DNAJC12: variants seen among roughly 807,000 people sequenced by gnomAD.
DNAJC12 encodes the protein DnaJ heat shock protein family (Hsp40) member C12.
In DNAJC12, 25 loss-of-function variants were observed where a neutral mutation model predicts 28.5. The observed-to-expected ratio is 0.88, with a 90% confidence interval of 0.64 to 1.22. DNAJC12 has a LOEUF of 1.22. Ranked by LOEUF, DNAJC12 falls within the 50% of genes most tolerant of loss-of-function variation. The pLI is 0.00. For missense variants in DNAJC12, 222 were observed against 231.7 expected, an observed-to-expected ratio of 0.96 and a Z score of 0.27; for synonymous variants, 77 against 80.6, an observed-to-expected ratio of 0.95 and a Z score of 0.24.
At chr10:67,811,399 A>G in intron 3 of DNAJC12, 125 bp downstream of exon 3, 1 of 1,522,772 alleles carries the variant, frequency 6.6e-7, no homozygotes, top group Non-Finnish European at 8.8e-7. Context: ...AATTATATCC[A>G]GACTCTGCTA....
chr10:67,801,978 C>A (rs1841751201), intron 4 of DNAJC12, among the ~76,000 whole-genome samples: 1 of 150,090 alleles, frequency 6.7e-6, no homozygotes, highest in African/African-American at 2.4e-5. Context: ...CCTTCTGCCT[C>A]AGCCTCCCAA....
intron 1 of DNAJC12, among the ~76,000 whole-genome samples, chr10:67,826,920 A>C (rs1367129004): frequency 7.7e-6 from 1 of 130,534 alleles, no homozygotes; most frequent in Non-Finnish European, 1.6e-5. Flanking sequence ...TATGATATAT[A>C]ATATATATAT....
chr10:67,832,159 G>A (rs544476786), intron 1 of DNAJC12, among the ~76,000 whole-genome samples: 2 of 152,078 alleles, frequency 1.3e-5, no homozygotes, highest in East Asian at 1.9e-4. Flanking sequence ...CAGCTACTCG[G>A]GGGGCTGAGG....
chr10:67,810,080 T>C (rs898786620), intron 3 of DNAJC12, among the ~76,000 whole-genome samples: 1 of 152,074 alleles, frequency 6.6e-6, no homozygotes, highest in African/African-American at 2.4e-5. Flanking sequence ...ACAGAAAGCA[T>C]GACTGGGAGG....
intron 1 of DNAJC12, among the ~76,000 whole-genome samples, chr10:67,832,592 TTTTCCTTACTGAAGAA>T (rs955589400): frequency 1.5e-4 from 23 of 152,136 alleles, no homozygotes; most frequent in African/African-American, 5.6e-4. Flanking sequence ...AAGGGATAGT[TTTTCCTTACTGAAGAA>T]TTTCCTTACT....
chr10:67,806,686 G>A (rs1276730837), intron 3 of DNAJC12, among the ~76,000 whole-genome samples: 1 of 152,024 alleles, frequency 6.6e-6, no homozygotes, highest in Non-Finnish European at 1.5e-5. Context: ...TTAGCTGGTC[G>A]TGGTGGTGCA....
At chr10:67,820,026 G>A (rs1410418954) in intron 2 of DNAJC12, among the ~76,000 whole-genome samples, 2 of 152,156 alleles carry the variant, frequency 1.3e-5, no homozygotes, top group East Asian at 3.9e-4. Context: ...TGTTAGATGG[G>A]ACACATGGGA....
intron 2 of DNAJC12, among the ~76,000 whole-genome samples, chr10:67,822,174 G>C (rs1037867133): frequency 6.6e-6 from 1 of 152,180 alleles, no homozygotes; most frequent in African/African-American, 2.4e-5. Context: ...GCTCAGAAGA[G>C]AGCTTAGGAG....
At chr10:67,804,786 C>A (rs1053243083) in intron 4 of DNAJC12, among the ~76,000 whole-genome samples, 2 of 152,146 alleles carry the variant, frequency 1.3e-5, no homozygotes, top group African/African-American at 2.4e-5. Context: ...AATCCCAGCA[C>A]TTTGGGAGGC....
chr10:67,822,005 T>C (rs1354702842), intron 2 of DNAJC12, among the ~76,000 whole-genome samples: 1 of 152,140 alleles, frequency 6.6e-6, no homozygotes, highest in African/African-American at 2.4e-5. Flanking sequence ...CAGGGTGACT[T>C]TGAAATGTTT....
chr10:67,806,074 G>C (rs1263207344), intron 3 of DNAJC12, among the ~76,000 whole-genome samples: 2 of 152,106 alleles, frequency 1.3e-5, no homozygotes, highest in Non-Finnish European at 2.9e-5. Context: ...ATGAATGGAG[G>C]GATGGATGGA....
chr10:67,829,775 G>A (rs2131814091), intron 1 of DNAJC12, among the ~76,000 whole-genome samples: 1 of 152,200 alleles, frequency 6.6e-6, no homozygotes, highest in East Asian at 1.9e-4. Context: ...GTTTGTTATA[G>A]TTGATTGTAA....
At chr10:67,837,525 T>C (rs1472826338) in intron 1 of DNAJC12, among the ~76,000 whole-genome samples, 2 of 152,154 alleles carry the variant, frequency 1.3e-5, no homozygotes, top group African/African-American at 2.4e-5. Context: ...TAATAAAATA[T>C]ATTAAAATCC....
At position 67,819,757 on chromosome 10, in the gene DNAJC12, A is replaced by G. The variant is rs1156305771; in HGVS notation, c.157+3557T>C. 4.6e-3 allele frequency among the ~76,000 whole-genome samples: 74 copies of G among 16,092 alleles called. 2 individuals carry two copies. The highest frequency in any genetic ancestry group is 0.013 in the African/African-American group (70 of 5,234). 10.6% of individuals were successfully genotyped at this position (16,092 alleles called of 152,430 possible). A position where few individuals can be genotyped will look rare whatever the true frequency, so the allele number is the denominator to read the frequency against. On this transcript the variant is annotated intron_variant, in intron 2 of 4. Transcript: ENST00000225171. ...AAGGAAGGAAGGAAGGAAGGAAGGA[A>G]GGAAGGAAGGAAGGAAGGAAGGGGA...
intron 1 of DNAJC12, among the ~76,000 whole-genome samples, chr10:67,836,471 C>A (rs973732178): frequency 1.3e-5 from 2 of 151,648 alleles, no homozygotes; most frequent in Admixed American, 6.6e-5. Flanking sequence ...AAATTGTCAG[C>A]CTTATCAAGT....
intron 4 of DNAJC12, among the ~76,000 whole-genome samples, chr10:67,799,478 C>T (rs1841715694): frequency 1.3e-5 from 2 of 152,080 alleles, no homozygotes. Flanking sequence ...ACCAAAATAT[C>T]GATAATACAT....
chr10:67,815,943 C>T, intron 2 of DNAJC12: 1 of 396,266 alleles, frequency 2.5e-6, no homozygotes, highest in Non-Finnish European at 4.4e-6. Flanking sequence ...TCTCTTGTTC[C>T]ATCCACTTCA....
At chr10:67,830,665 A>T (rs1040341223) in intron 1 of DNAJC12, among the ~76,000 whole-genome samples, 2 of 151,368 alleles carry the variant, frequency 1.3e-5, no homozygotes, top group Non-Finnish European at 2.9e-5. Flanking sequence ...AAATTTTTTG[A>T]TACTTAATAT....
At chr10:67,818,374 G>A (rs533421143) in intron 2 of DNAJC12, among the ~76,000 whole-genome samples, 1 of 152,274 alleles carries the variant, frequency 6.6e-6, no homozygotes, top group East Asian at 1.9e-4. Flanking sequence ...ATGCATGCCT[G>A]CCTAGAGAAG....
Sources: gnomAD v4.1 joint callset for allele counts (sites outside exome capture counted in the v4.1 genomes callset) on GRCh38, gnomAD v4.1.1 for gene constraint, MANE v1.5 for transcripts, NCBI Gene and HGNC (gene_info 2026-07-23, HGNC 2026-07-21) for gene names.